PROCR: variants seen among roughly 807,000 people sequenced by gnomAD.
PROCR encodes protein C receptor, also known as endothelial protein C receptor.
A neutral mutation model predicts 24.2 loss-of-function variants in PROCR; 22 were observed. That is an observed-to-expected ratio of 0.91 (90% CI 0.65 to 1.30). PROCR has a LOEUF of 1.30. Ranked by LOEUF, PROCR falls within the 50% of genes most tolerant of loss-of-function variation. PROCR has a pLI of 0.00. For missense variants in PROCR, 288 were observed against 307.7 expected (o/e 0.94, Z 0.48); for synonymous variants, 137 against 139.2 (o/e 0.98, Z 0.11).
Position 35,196,617 on chromosome 20 carries a change from A to G in PROCR, c.95-19276A>G, listed in dbSNP as rs145800247. 4.9e-3 allele frequency among the ~76,000 whole-genome samples: 739 copies of G among 152,332 alleles called. 11 individuals carry two copies. Among genetic ancestry groups the G allele is most frequent in the African/African-American group, 0.016 (679 of 41,576 alleles). On this transcript the variant is annotated intron_variant, in intron 1 of 1. Coordinates refer to the PROCR transcript ENST00000634509. ...AAGAACTGTCAACTTGAAATTTTCT[A>G]TCTAGTGAATATTCCCTTTGAGAAT... is the stretch of plus-strand genomic sequence containing the variant.
intron 1 of PROCR, among the ~76,000 whole-genome samples, chr20:35,210,749 C>T (rs2060359937): frequency 6.7e-6 from 1 of 149,226 alleles, no homozygotes; most frequent in Non-Finnish European, 1.5e-5. Context: ...GAGTCTCACT[C>T]TTGCCCAGGC....
chr20:35,176,673 G>T (rs778085640), intron 3 of PROCR, 25 bp from the exon 4 acceptor site: 24 of 1,591,640 alleles, frequency 1.5e-5, no homozygotes, highest in Non-Finnish European at 1.9e-5. Flanking sequence ...CTATTCTTCG[G>T]GCTAACTCTT....
chr20:35,176,890 G>A lies in PROCR; in HGVS notation c.*77G>A. ...AAAGTTTCAGCTCACTGTGAAGCCAGACTCCCCAACTGAAACACCAGAAGG... is the reference window on the plus strand; with the variant it reads ...AAAGTTTCAGCTCACTGTGAAGCCAAACTCCCCAACTGAAACACCAGAAGG... On this transcript the variant is annotated 3_prime_UTR_variant, in exon 4 of 4. Transcript: ENST00000216968. The A allele has an allele frequency of 6.4e-7, 1 of 1,566,964 alleles. No homozygotes were observed. The highest frequency in any genetic ancestry group is 8.7e-7 in the Non-Finnish European group (1 of 1,154,760).
intron 1 of PROCR, among the ~76,000 whole-genome samples, chr20:35,197,031 A>G (rs764279355): frequency 1.3e-5 from 2 of 152,200 alleles, no homozygotes; most frequent in African/African-American, 4.8e-5. Flanking sequence ...TTGAAGGTTT[A>G]TGGGGCAAGT....
At chr20:35,192,659 A>G (rs1245708154) in intron 1 of PROCR, among the ~76,000 whole-genome samples, 1 of 152,128 alleles carries the variant, frequency 6.6e-6, no homozygotes, top group Non-Finnish European at 1.5e-5. Context: ...GCAGTTACCC[A>G]GGAGACTTTC....
At chr20:35,207,129 TGGAA>T (rs2060345496) in intron 1 of PROCR, among the ~76,000 whole-genome samples, 1 of 152,106 alleles carries the variant, frequency 6.6e-6, no homozygotes, top group African/African-American at 2.4e-5. Context: ...TATGACAGTC[TGGAA>T]AAGAAAAAAC....
In PROCR at chr20:35,172,159, T is replaced by C; in HGVS notation, c.5T>C (p.Leu2Ser). 6.2e-7 allele frequency: 1 copy of C among 1,614,164 alleles called. No individual in the cohort carries two copies. The highest frequency in any genetic ancestry group is 8.5e-7 in the Non-Finnish European group (1 of 1,180,012). The change falls in exon 1 of 4, where the codon TTG becomes TCG. Residue 2 changes from leucine (L) to serine (S), a missense_variant. Transcript: ENST00000216968. M[L>S]TTLLPILLLS... Reference sequence around the variant, plus strand: ...GTCCGGAGCCTCAACTTCAGGATGTTGACAACATTGCTGCCGATACTGCTG... The same window carrying C: ...GTCCGGAGCCTCAACTTCAGGATGTCGACAACATTGCTGCCGATACTGCTG...
chr20:35,203,909 A>T (rs1050156481), intron 1 of PROCR, among the ~76,000 whole-genome samples: 1 of 152,070 alleles, frequency 6.6e-6, no homozygotes, highest in African/African-American at 2.4e-5. Context: ...ACCTAAATCA[A>T]GCAGAAGAAA....
chr20:35,181,773 T>G (rs1473153774), downstream of PROCR, among the ~76,000 whole-genome samples: 2 of 152,324 alleles, frequency 1.3e-5, no homozygotes, highest in East Asian at 3.9e-4. Context: ...ATGCTAAGAT[T>G]ATTAGTTGCA....
intron 1 of PROCR, among the ~76,000 whole-genome samples, chr20:35,196,594 G>T (rs1370067477): frequency 1.3e-5 from 2 of 152,136 alleles, no homozygotes; most frequent in Admixed American, 6.5e-5. Context: ...TGAAAGAAAA[G>T]AACTGTCAAC....
intron 1 of PROCR, among the ~76,000 whole-genome samples, chr20:35,193,338 G>A (rs952903260): frequency 1.3e-5 from 2 of 152,210 alleles, no homozygotes; most frequent in Non-Finnish European, 2.9e-5. Flanking sequence ...ACCACGCCCA[G>A]CTAATTTTTG....
At chr20:35,205,468 T>TA (rs1453225528) in intron 1 of PROCR, among the ~76,000 whole-genome samples, 3 of 147,430 alleles carry the variant, frequency 2.0e-5, no homozygotes, top group South Asian at 2.1e-4. Flanking sequence ...TATATATATA[T>TA]TGGCCGGGCG....
chr20:35,210,247 T>A (rs569281688), intron 1 of PROCR, among the ~76,000 whole-genome samples: 1 of 151,150 alleles, frequency 6.6e-6, no homozygotes, highest in South Asian at 2.1e-4. Context: ...ATAAATAAAA[T>A]TTTTAAAAAA....
Position 35,174,906 on chromosome 20 carries a change from A to T in PROCR, c.275A>T (p.Gln92Leu). The T allele has an allele frequency of 1.3e-6, 2 of 1,570,620 alleles. No homozygotes were observed. Among genetic ancestry groups the T allele is most frequent in the South Asian group, 2.2e-5 (2 of 90,032 alleles). ...AGTGGCCTGCAGTCCTACCTGCTCC[A>T]GTTCCACGGCCTCGTGCGCCTGGTG... is the stretch of plus-strand genomic sequence containing the variant. Reference protein sequence around the residue: ...TQSGLQSYLLQFHGLVRLVHQ... With the variant: ...TQSGLQSYLLLFHGLVRLVHQ... Residue 92 changes from glutamine (Q) to leucine (L), a missense_variant, in exon 2 of 4, where the codon CAG (glutamine) becomes CTG (leucine). Physicochemically the swap from Gln to Leu is moderately radical, Grantham distance 113. Coordinates refer to ENST00000216968, the MANE Select transcript of PROCR (RefSeq NM_006404.5).
At chr20:35,189,861 G>C (rs781332804) in intron 1 of PROCR, among the ~76,000 whole-genome samples, 3 of 152,162 alleles carry the variant, frequency 2.0e-5, no homozygotes, top group Non-Finnish European at 4.4e-5. Context: ...TTAGAAGTTA[G>C]TCAATAAATG....
chr20:35,212,183 T>C (rs1416024886), intron 1 of PROCR, among the ~76,000 whole-genome samples: 1 of 152,274 alleles, frequency 6.6e-6, no homozygotes, highest in East Asian at 1.9e-4. Flanking sequence ...ATTAGAGTTA[T>C]TTATTGGCAG....
intron 1 of PROCR, among the ~76,000 whole-genome samples, chr20:35,189,079 A>G (rs2086150492): frequency 6.6e-6 from 1 of 152,226 alleles, no homozygotes; most frequent in Non-Finnish European, 1.5e-5. Flanking sequence ...GCACCTTGAA[A>G]AAAGAACAGG....
At chr20:35,171,852 TC>T (rs372603647), upstream of PROCR, among the ~76,000 whole-genome samples, 88 of 152,170 alleles carry the variant, frequency 5.8e-4, 1 homozygote, top group African/African-American at 2.1e-3. Context: ...CGCTCCCTGT[TC>T]CTGGTTCCTA....
intron 1 of PROCR, among the ~76,000 whole-genome samples, chr20:35,182,405 CAG>C (rs2086085488): frequency 6.6e-6 from 1 of 151,972 alleles, no homozygotes; most frequent in African/African-American, 2.4e-5. Flanking sequence ...GCTCAAAAAA[CAG>C]AACAAAAGAA....
Sources: allele counts gnomAD v4.1 joint callset (sites outside exome capture counted in the v4.1 genomes callset), GRCh38; gene constraint gnomAD v4.1.1; transcripts MANE v1.5; gene names NCBI Gene and HGNC (gene_info 2026-07-23, HGNC 2026-07-21).